Variants in LYRM4 observed in about 807,000 individuals in gnomAD.
The protein encoded by LYRM4 is LYR motif containing 4.
A neutral mutation model predicts 11.7 loss-of-function variants in LYRM4; 9 were observed. That is an observed-to-expected ratio of 0.77 (90% CI 0.46 to 1.34). The LOEUF (loss-of-function observed/expected upper bound fraction) is 1.34. Among genes scored for constraint, LYRM4 ranks in the 40% most tolerant of loss-of-function variants. LYRM4 has a pLI of 0.00. For synonymous variants in LYRM4, 42 were observed against 40.4 expected (o/e 1.04, Z -0.15); for missense variants, 133 against 112.5 (o/e 1.18, Z -0.82).
chr6:5,046,295 C>T, the LYRM4 span, among the ~76,000 whole-genome samples: 2 of 152,010 alleles, frequency 1.3e-5, no homozygotes, highest in South Asian at 2.1e-4. Flanking sequence ...TACAGGTGCC[C>T]GCCACCACAC....
chr6:5,051,183 C>T, the LYRM4 span, among the ~76,000 whole-genome samples: 1 of 152,094 alleles, frequency 6.6e-6, no homozygotes, highest in African/African-American at 2.4e-5. Flanking sequence ...ACCTCTGGCA[C>T]ATCATGAAGT....
At chr6:5,233,223 G>A (rs1763343912) in intron 1 of LYRM4, among the ~76,000 whole-genome samples, 1 of 152,190 alleles carries the variant, frequency 6.6e-6, no homozygotes, top group South Asian at 2.1e-4. Context: ...GGCAAATTTG[G>A]GGAGGGCCTT....
downstream of LYRM4, chr6:5,106,498 G>C (rs1443661734): frequency 6.6e-6 from 1 of 152,280 alleles, no homozygotes; most frequent in East Asian, 1.9e-4. Context: ...GAGATTAACG[G>C]GAGAGGCTGT....
At chr6:5,113,404 C>A in intron 2 of LYRM4, 1 of 399,950 alleles carries the variant, frequency 2.5e-6, no homozygotes, top group Non-Finnish European at 5.1e-6. Flanking sequence ...GGTGACAGAG[C>A]GAGATTCCGT....
the LYRM4 span, among the ~76,000 whole-genome samples, chr6:5,039,543 A>C: frequency 1.3e-5 from 2 of 152,210 alleles, no homozygotes; most frequent in African/African-American, 4.8e-5. Context: ...CAAATTCGCA[A>C]TTTGAACATT....
intron 2 of LYRM4, among the ~76,000 whole-genome samples, chr6:5,163,905 C>T (rs1758916588): frequency 6.6e-6 from 1 of 152,094 alleles, no homozygotes; most frequent in Non-Finnish European, 1.5e-5. Flanking sequence ...TGTGCCCAGC[C>T]TAGGACTGCA....
intron 1 of LYRM4, among the ~76,000 whole-genome samples, chr6:5,252,685 G>T (rs1460652099): frequency 6.6e-6 from 1 of 152,092 alleles, no homozygotes; most frequent in South Asian, 2.1e-4. Context: ...TAAACGTAAT[G>T]AAGTTTTGGT....
At chr6:5,090,015 G>GACACACAAACACACACACACACACAC in the LYRM4 span, among the ~76,000 whole-genome samples, 1 of 149,632 alleles carries the variant, frequency 6.7e-6, no homozygotes, top group Non-Finnish European at 1.5e-5. The surrounding 1 kb of genome is among the most constrained non-coding windows in gnomAD (Gnocchi z 4.8). Flanking sequence ...CTGAAAGGAA[G>GACACACAAACACACACACACACACAC]ACACACACAC....
chr6:5,035,533 T>TTCCTTCCTTCCTTCCCTCCC, the LYRM4 span, among the ~76,000 whole-genome samples: 717 of 50,124 alleles, frequency 0.014, 311 homozygotes, highest in East Asian at 0.04. Context: ...CTCTTTCTCC[T>TTCCTTCCTTCCTTCCCTCCC]TCCTTCCTTC....
At chr6:5,102,007 G>A (rs367777531), downstream of LYRM4, among the ~76,000 whole-genome samples, 1 of 71,592 alleles carries the variant, frequency 1.4e-5, no homozygotes. Flanking sequence ...TGCCTAGGCT[G>A]GTCTTGAACT....
intron 2 of LYRM4, among the ~76,000 whole-genome samples, chr6:5,173,188 T>C (rs935969984): frequency 1.3e-5 from 2 of 152,266 alleles, no homozygotes; most frequent in African/African-American, 4.8e-5. Context: ...TCCTTCTTTC[T>C]TTCAATATGA....
the LYRM4 span, among the ~76,000 whole-genome samples, chr6:5,043,821 C>A: frequency 6.6e-6 from 1 of 152,170 alleles, no homozygotes; most frequent in African/African-American, 2.4e-5. Flanking sequence ...CCCTAATCAC[C>A]CAAAGTCAGG....
At chr6:5,136,648 T>C (rs752699440) in intron 2 of LYRM4, 56 of 985,278 alleles carry the variant, frequency 5.7e-5, no homozygotes, top group Admixed American at 6.2e-5. Flanking sequence ...CAATCCCAGG[T>C]GTTGTCAAAG....
the LYRM4 span, among the ~76,000 whole-genome samples, chr6:5,074,397 CT>C: frequency 0.066 from 5,002 of 76,150 alleles, 83 homozygotes; most frequent in African/African-American, 0.12. Context: ...AGCACAGGTA[CT>C]TTTTTTTTTT....
At chr6:5,096,847 G>A in the LYRM4 span, among the ~76,000 whole-genome samples, 3 of 152,148 alleles carry the variant, frequency 2.0e-5, no homozygotes, top group African/African-American at 4.8e-5. Flanking sequence ...ATTTTATTCT[G>A]AGGATAAACA....
chr6:5,101,762 G>C (rs9504327), downstream of LYRM4, among the ~76,000 whole-genome samples: 10 of 151,942 alleles, frequency 6.6e-5, no homozygotes, highest in African/African-American at 2.4e-4. Flanking sequence ...CCAGTGACTA[G>C]TTTCTTTTCA....
chr6:5,045,328 T>C, the LYRM4 span, among the ~76,000 whole-genome samples: 1 of 152,198 alleles, frequency 6.6e-6, no homozygotes, highest in African/African-American at 2.4e-5. Flanking sequence ...TGGATGGACC[T>C]TGAGGACACT....
chr6:5,153,093 T>A (rs1758186957), intron 2 of LYRM4, among the ~76,000 whole-genome samples: 1 of 152,108 alleles, frequency 6.6e-6, no homozygotes, highest in Admixed American at 6.5e-5. Context: ...CCATTGGTAA[T>A]CTTATTATTA....
At chr6:5,196,282 T>C (rs1351377688) in intron 2 of LYRM4, among the ~76,000 whole-genome samples, 2 of 152,174 alleles carry the variant, frequency 1.3e-5, no homozygotes, top group Non-Finnish European at 1.5e-5. Context: ...TCCTGGAGCC[T>C]TCACAACCAT....
Sources: gnomAD v4.1 joint callset for allele counts (sites outside exome capture counted in the v4.1 genomes callset) on GRCh38, gnomAD v4.1.1 for gene constraint, Gnocchi (gnomAD v3.1) non-coding constraint, MANE v1.5 for transcripts, NCBI Gene and HGNC (gene_info 2026-07-23, HGNC 2026-07-21) for gene names.